Variants in ANO4 observed in about 807,000 individuals in gnomAD.
ANO4 encodes the protein anoctamin-4.
ANO4 carries 69 observed loss-of-function variants against 141.9 expected under a neutral mutation model. That is an observed-to-expected ratio of 0.49 (90% CI 0.40 to 0.59). ANO4 has a LOEUF of 0.59. Ranked by LOEUF, ANO4 falls within the 20% of genes least tolerant of loss-of-function variation. The pLI, the probability that ANO4 is intolerant of heterozygous loss-of-function variation, is 0.00. For missense variants in ANO4, 894 were observed against 1,162.2 expected, an observed-to-expected ratio of 0.77 and a Z score of 3.36; for synonymous variants, 350 against 394.3, an observed-to-expected ratio of 0.89 and a Z score of 1.33.
At position 100,941,059 on chromosome 12, in the gene ANO4, A is replaced by G. The variant is rs142376812; in HGVS notation, c.298-1318A>G. 2.4e-3 allele frequency among the ~76,000 whole-genome samples: 366 copies of G among 152,336 alleles called. 1 individual carries two copies. Among genetic ancestry groups the G allele is most frequent in the African/African-American group, 8.4e-3 (351 of 41,580 alleles). On this transcript the variant is annotated intron_variant, in intron 4 of 27. Transcript: ENST00000392977. ...TATAGTGACAAACTAATTGTAGATT[A>G]CTAACTCCAGTTTTTTTTTAATGGA... is the stretch of plus-strand genomic sequence containing the variant.
At chr12:100,762,255 CA>C (rs1235951339) in intron 3 of ANO4, among the ~76,000 whole-genome samples, 1 of 152,134 alleles carries the variant, frequency 6.6e-6, no homozygotes, top group Non-Finnish European at 1.5e-5. Flanking sequence ...AGATGCTCAG[CA>C]TATGGAGGTG....
chr12:101,072,297 C>CAT (rs1290807893), intron 14 of ANO4, among the ~76,000 whole-genome samples: 2 of 152,138 alleles, frequency 1.3e-5, no homozygotes, highest in African/African-American at 4.8e-5. Flanking sequence ...CCAAAAATGA[C>CAT]ATATATCACT....
chr12:100,833,529 C>G (rs1456713028), intron 1 of ANO4, among the ~76,000 whole-genome samples: 1 of 152,078 alleles, frequency 6.6e-6, no homozygotes, highest in East Asian at 1.9e-4. Context: ...TTTACTACCT[C>G]ATAATTAATC....
At chr12:100,860,915 G>A (rs1234582410) in intron 1 of ANO4, among the ~76,000 whole-genome samples, 1 of 152,176 alleles carries the variant, frequency 6.6e-6, no homozygotes, top group East Asian at 1.9e-4. Context: ...TCAAGAATGG[G>A]GCCGCGGACC....
At chr12:101,023,069 A>T (rs1040562397) in intron 9 of ANO4, among the ~76,000 whole-genome samples, 1 of 152,176 alleles carries the variant, frequency 6.6e-6, no homozygotes, top group African/African-American at 2.4e-5. Context: ...GGATAATAAG[A>T]TCCTTAACTG....
intron 5 of ANO4, among the ~76,000 whole-genome samples, chr12:100,958,755 G>A (rs1472992265): frequency 6.6e-6 from 1 of 152,208 alleles, no homozygotes; most frequent in East Asian, 1.9e-4. Flanking sequence ...GGCTGAGGCA[G>A]GAGGATTACT....
intron 9 of ANO4, among the ~76,000 whole-genome samples, chr12:101,032,230 A>T (rs2047002724): frequency 6.6e-6 from 1 of 152,210 alleles, no homozygotes. Context: ...GTACCAAAAC[A>T]GACACATAGA....
chr12:101,065,615 C>T (rs1018154777), intron 14 of ANO4, among the ~76,000 whole-genome samples: 1 of 152,124 alleles, frequency 6.6e-6, no homozygotes, highest in Non-Finnish European at 1.5e-5. Context: ...AGAAGCCATA[C>T]TGAAAAGTCT....
chr12:101,041,006 T>C (rs7969213), intron 11 of ANO4, among the ~76,000 whole-genome samples: 28,472 of 152,170 alleles, frequency 0.19, 3,208 homozygotes, highest in African/African-American at 0.31. Flanking sequence ...TTTTTTTAAC[T>C]ATCTATATCT....
intron 22 of ANO4, among the ~76,000 whole-genome samples, chr12:101,104,627 G>GTATATATATATATA (rs1167784816): frequency 8.1e-5 from 5 of 62,050 alleles, no homozygotes; most frequent in Non-Finnish European, 1.2e-4. Context: ...ATGTATGTGT[G>GTATATATATATATA]TATATATATA....
At chr12:100,853,357 C>T (rs1360723364) in intron 1 of ANO4, among the ~76,000 whole-genome samples, 2 of 151,950 alleles carry the variant, frequency 1.3e-5, no homozygotes, top group Non-Finnish European at 2.9e-5. Context: ...AGAAATATTT[C>T]CTTACTCCAA....
intron 9 of ANO4, among the ~76,000 whole-genome samples, chr12:101,023,473 C>T (rs141998323): frequency 6.6e-5 from 10 of 152,230 alleles, no homozygotes; most frequent in Non-Finnish European, 1.3e-4. Context: ...GAGTCTGAAA[C>T]CAGCCTGAGC....
At chr12:100,962,042 C>T (rs1235009379) in intron 5 of ANO4, among the ~76,000 whole-genome samples, 1 of 152,166 alleles carries the variant, frequency 6.6e-6, no homozygotes, top group Non-Finnish European at 1.5e-5. Flanking sequence ...CATAGAGAAC[C>T]TCTAATGAAA....
Position 100,926,850 on chromosome 12 carries a change from T to C in ANO4, c.160+4520T>C, listed in dbSNP as rs571815483. 1.4e-4 allele frequency among the ~76,000 whole-genome samples: 22 copies of C among 152,078 alleles called. No homozygotes were observed. In the South Asian group the frequency reaches 4.6e-3, roughly 32 times the overall value. Reference sequence around the variant, plus strand: ...AGATGCCCTGTAGAGGGAGCCAGGCTTCTGGTAGGGGGAATGGAAAGGGAG... The same window carrying C: ...AGATGCCCTGTAGAGGGAGCCAGGCCTCTGGTAGGGGGAATGGAAAGGGAG... On this transcript the variant is annotated intron_variant, in intron 3 of 27. Transcript: ENST00000392977.
At chr12:101,075,018 GT>G (rs961395536) in intron 14 of ANO4, among the ~76,000 whole-genome samples, 10 of 152,180 alleles carry the variant, frequency 6.6e-5, no homozygotes, top group Admixed American at 1.3e-4. Flanking sequence ...TATTGGTTTT[GT>G]TTTTACAGTG....
intron 16 of ANO4, among the ~76,000 whole-genome samples, chr12:101,085,901 G>A (rs1019149000): frequency 7.2e-5 from 11 of 152,160 alleles, no homozygotes; most frequent in African/African-American, 2.2e-4. Context: ...AGGGGAGCCT[G>A]AGAATAGTCA....
chr12:101,075,636 A>AAT lies in ANO4; in HGVS notation c.1313-3545_1313-3544dup, dbSNP rs140118773. On this transcript the variant is annotated intron_variant, in intron 14 of 27. Transcript: ENST00000392977. The stretch of plus-strand genomic sequence containing the variant: ...TCATAGTGCCAGGTAGTATAAGAGA[A>AAT]ATATATATATATACACACACACACA... Among the ~76,000 whole-genome samples the AAT allele has an allele frequency of 4.7e-3, 695 of 149,066 alleles. 4 individuals are homozygous for AAT. Among genetic ancestry groups the AAT allele is most frequent in the East Asian group, 0.02 (100 of 5,106 alleles).
chr12:100,857,888 A>G (rs1007167657), intron 1 of ANO4, among the ~76,000 whole-genome samples: 1 of 152,164 alleles, frequency 6.6e-6, no homozygotes, highest in Non-Finnish European at 1.5e-5. Flanking sequence ...ACCACCAAAG[A>G]TAATATTTGA....
chr12:101,051,364 G>A (rs589988), intron 14 of ANO4, among the ~76,000 whole-genome samples: 23,864 of 152,064 alleles, frequency 0.16, 2,283 homozygotes, highest in East Asian at 0.31. Context: ...TTTGGGCACA[G>A]AGGAACATTT....
Sources: gnomAD v4.1 joint callset for allele counts (sites outside exome capture counted in the v4.1 genomes callset) on GRCh38, gnomAD v4.1.1 for gene constraint, MANE v1.5 for transcripts, NCBI Gene and HGNC (gene_info 2026-07-23, HGNC 2026-07-21) for gene names.